CCDC40: variants seen among roughly 807,000 people sequenced by gnomAD.
CCDC40 encodes the protein coiled-coil domain 40 molecular ruler complex subunit.
CCDC40 carries 104 observed loss-of-function variants against 124.5 expected under a neutral mutation model. That is an observed-to-expected ratio of 0.84 (90% CI 0.71 to 0.98). The LOEUF (loss-of-function observed/expected upper bound fraction) is 0.98, where lower values mean the gene tolerates loss of function less well. Ranked by LOEUF, CCDC40 falls within the 50% of genes least tolerant of loss-of-function variation. CCDC40 has a pLI of 0.00. For missense variants in CCDC40, 1,463 were observed against 1,503.9 expected, an observed-to-expected ratio of 0.97 and a Z score of 0.45; for synonymous variants, 580 against 602.9, an observed-to-expected ratio of 0.96 and a Z score of 0.56.
Position 80,090,585 on chromosome 17 carries a change from C to T in CCDC40, c.2832+701C>T, listed in dbSNP as rs73436194. On this transcript the variant is annotated intron_variant, in intron 17 of 19. Transcript: ENST00000397545. ...CGGTTGTAACCCTCAAACTTTGTGA[C>T]CCTCTAACGTATCCCACTGTGAGAC... 0.085 allele frequency: 127,421 copies of T among 1,491,150 alleles called. 6,394 individuals carry two copies. The highest frequency in any genetic ancestry group is 0.2 in the African/African-American group (14,785 of 72,392). The allele number at this position is 1,491,150 out of a possible 1,614,324, so 92.4% of individuals were successfully genotyped here.
At position 80,087,858 on chromosome 17, in the gene CCDC40, G is replaced by C. The variant is rs1395581868; in HGVS notation, c.2619+82G>C. ...TCCTTGCGGTGGGCGTTCTGCACCA[G>C]GATGTAATTTCCACACCCGTTCAAG... On this transcript the variant is annotated intron_variant, in intron 15 of 19. Transcript: ENST00000397545. The surrounding 1 kb of genome is among the most constrained non-coding windows in gnomAD (Gnocchi z 4.5). 1.4e-6 allele frequency: 2 copies of C among 1,397,276 alleles called. No individual in the cohort carries two copies. Among genetic ancestry groups the C allele is most frequent in the Non-Finnish European group, 2.0e-6 (2 of 983,766 alleles). 86.6% of individuals were successfully genotyped at this position (1,397,276 alleles called of 1,614,324 possible). A position where few individuals can be genotyped will look rare whatever the true frequency, so the allele number is the denominator to read the frequency against.
intron 16 of CCDC40, 68 bp from the exon 17 acceptor site, chr17:80,089,696 A>T (rs1465388398): frequency 1.9e-6 from 3 of 1,586,782 alleles, no homozygotes; most frequent in Non-Finnish European, 2.6e-6. Context: ...AAAGCCTTAG[A>T]GTGTGAGCTC....
intron 9 of CCDC40, among the ~76,000 whole-genome samples, chr17:80,063,696 C>T (rs2037961420): frequency 6.6e-6 from 1 of 152,240 alleles, no homozygotes; most frequent in Non-Finnish European, 1.5e-5. Flanking sequence ...TAGACACCTG[C>T]ACCCCCATGG....
intron 17 of CCDC40, chr17:80,090,882 G>T: frequency 1.1e-6 from 1 of 919,424 alleles, no homozygotes; most frequent in Non-Finnish European, 1.4e-6. Context: ...AAGATGTTGT[G>T]TTTAAAAATA....
At chr17:80,095,126 C>T (rs1219750979) in intron 17 of CCDC40, 137 bp from the exon 18 acceptor site, 11 of 780,124 alleles carry the variant, frequency 1.4e-5, no homozygotes, top group Admixed American at 4.1e-5. Context: ...TTCCTCCTGG[C>T]GGCACAGGCC....
chr17:80,090,364 G>T, intron 17 of CCDC40: 1 of 1,047,884 alleles, frequency 9.5e-7, no homozygotes, highest in Non-Finnish European at 1.3e-6. Context: ...GCGCAGGCAC[G>T]TGCACGAACA....
chr17:80,082,604 T>C (rs1447514014), intron 12 of CCDC40, among the ~76,000 whole-genome samples: 1 of 152,010 alleles, frequency 6.6e-6, no homozygotes, highest in Non-Finnish European at 1.5e-5. Context: ...CCCATTTTAG[T>C]CTCAGAGGAG....
At chr17:80,048,977 G>A (rs947428714) in intron 5 of CCDC40, among the ~76,000 whole-genome samples, 5 of 152,086 alleles carry the variant, frequency 3.3e-5, no homozygotes, top group Admixed American at 2.6e-4. Context: ...TCTCAACCCC[G>A]GAACCACTGC....
chr17:80,094,511 A>G (rs1483249803), intron 17 of CCDC40, among the ~76,000 whole-genome samples: 2 of 152,156 alleles, frequency 1.3e-5, no homozygotes, highest in Non-Finnish European at 2.9e-5. Context: ...CTTGGCCAAC[A>G]TGGTGAAACC....
Position 80,050,253 on chromosome 17 carries a change from T to C in CCDC40, c.1129T>C (p.Cys377Arg). 1 of 1,584,408 alleles carries C rather than the reference T, an allele frequency of 6.3e-7. No homozygotes were observed. The change falls in exon 7 of 20, where the codon TGC (cysteine) becomes CGC (arginine). Residue 377 changes from cysteine (C) to arginine (R), a missense_variant. Cys to Arg is a radical substitution (Grantham distance 180). Coordinates refer to ENST00000397545, the MANE Select transcript of CCDC40 (RefSeq NM_017950.4). ...QAARALYTKT[C>R]AAANEERKKL... is the part of the protein sequence containing the mutation. ...CGCCCGCGCTCTCTACACCAAGACC[T>C]GCGCAGCCGCCAACGAGGAGCGCAA...
intron 2 of CCDC40, among the ~76,000 whole-genome samples, chr17:80,039,366 C>CA (rs200421388): frequency 0.092 from 13,401 of 145,652 alleles, 640 homozygotes; most frequent in Middle Eastern, 0.12. Context: ...GCCCCTGTCA[C>CA]AAAAAAAAAT....
chr17:80,056,769 G>A (rs1024453585), intron 7 of CCDC40, among the ~76,000 whole-genome samples: 2 of 152,050 alleles, frequency 1.3e-5, no homozygotes, highest in African/African-American at 4.8e-5. Flanking sequence ...GCCAGGCCTG[G>A]TGGCTCACGC....
Position 80,084,801 on chromosome 17 carries a change from A to T in CCDC40, c.2048A>T (p.His683Leu). The change falls in exon 13 of 20, where the codon CAC becomes CTC. Residue 683 changes from histidine to leucine, a missense_variant. By Grantham distance (99) the His-to-Leu change is moderately conservative. Transcript: ENST00000397545. ...DIAQTTLDIT[H>L]TSSRLDAHQK... ...GCCCAGACCACCCTGGACATCACAC[A>T]CACCAGCAGCAGGCTGGACGCACAC... 6.2e-7 allele frequency: 1 copy of T among 1,614,166 alleles called. No homozygotes were observed. The highest frequency in any genetic ancestry group is 8.5e-7 in the Non-Finnish European group (1 of 1,180,026).
chr17:80,042,587 A>G (rs12942476), intron 3 of CCDC40, among the ~76,000 whole-genome samples: 17,054 of 152,250 alleles, frequency 0.11, 1,250 homozygotes, highest in East Asian at 0.26. Context: ...TTTCACAAAG[A>G]TAATCATCTC....
intron 1 of CCDC40, 34 bp downstream of exon 1, chr17:80,036,725 T>C: frequency 6.9e-7 from 1 of 1,452,762 alleles, no homozygotes; most frequent in East Asian, 2.9e-5. Flanking sequence ...GGTCTTGGAG[T>C]CGCCAGGCCG....
At position 80,099,668 on chromosome 17, in the gene CCDC40, G is replaced by A. The variant is rs763389968; in HGVS notation, c.3322G>A (p.Ala1108Thr). 18 of 1,613,684 alleles carry A rather than the reference G, an allele frequency of 1.1e-5. No homozygotes were observed. The Admixed American group carries it at 1.2e-4, about 10-fold the overall frequency. ...CCTGGACAAGCGACTGGCTCTCATC[G>A]CCACCATCCTGGACCGCGTGCGGGA... ...QRLDKRLALI[A>T]TILDRVRDEY... The change falls in exon 20 of 20, where the codon GCC becomes ACC. Residue 1108 changes from alanine (A) to threonine (T), a missense_variant. Ala to Thr is a moderately conservative substitution (Grantham distance 58). Coordinates refer to ENST00000397545, the MANE Select transcript of CCDC40 (RefSeq NM_017950.4).
In CCDC40 at chr17:80,081,856, C is replaced by G; in HGVS notation, c.1807-20C>G. ...TGGTGCCTCTTCAGGCACGTGCACC[C>G]TGTGGCTCCTTGTCTCCAGGAACAA... On this transcript the variant is annotated intron_variant, in intron 11 of 19. Coordinates refer to ENST00000397545, the MANE Select transcript of CCDC40 (RefSeq NM_017950.4). 1.2e-6 allele frequency: 2 copies of G among 1,614,068 alleles called. No homozygotes were observed. The highest frequency in any genetic ancestry group is 1.7e-6 in the Non-Finnish European group (2 of 1,180,012).
At chr17:80,060,482 C>T (rs1447486267) in intron 9 of CCDC40, among the ~76,000 whole-genome samples, 1 of 151,422 alleles carries the variant, frequency 6.6e-6, no homozygotes, top group Non-Finnish European at 1.5e-5. Context: ...ATCACTTAAG[C>T]CCGGGAGGTC....
chr17:80,095,586 C>T, intron 18 of CCDC40, 135 bp downstream of exon 18: 1 of 803,810 alleles, frequency 1.2e-6, no homozygotes, highest in Middle Eastern at 2.3e-4. Context: ...CACTGCTAAC[C>T]TGCTGCTGGG....
Sources: gnomAD v4.1 joint callset for allele counts (sites outside exome capture counted in the v4.1 genomes callset) on GRCh38, gnomAD v4.1.1 for gene constraint, Gnocchi (gnomAD v3.1) non-coding constraint, MANE v1.5 for transcripts, NCBI Gene and HGNC (gene_info 2026-07-23, HGNC 2026-07-21) for gene names.